Variants in SEM1 observed in about 807,000 individuals in gnomAD.
The protein encoded by SEM1 is 26S proteasome complex subunit SEM1.
A neutral mutation model predicts 12.7 loss-of-function variants in SEM1; 3 were observed. The observed-to-expected ratio is 0.24, with a 90% CI of 0.11 to 0.61. The LOEUF (loss-of-function observed/expected upper bound fraction) is 0.61. Among genes scored for constraint, SEM1 ranks in the 20% least tolerant of loss-of-function variants. The pLI, the probability that SEM1 is intolerant of heterozygous loss-of-function variation, is 0.88. For missense variants in SEM1, 59 were observed against 81.3 expected (o/e 0.73, Z 1.06); for synonymous variants, 30 against 27.8 (o/e 1.08, Z -0.25).
At chr7:96,654,043 T>A (rs1221415928) in intron 2 of SEM1, among the ~76,000 whole-genome samples, 3 of 152,020 alleles carry the variant, frequency 2.0e-5, no homozygotes, top group Non-Finnish European at 4.4e-5. Flanking sequence ...CAGAGAAGAG[T>A]ATGTTTAAAT....
chr7:96,511,552 A>C (rs1803935233), intron 2 of SEM1, among the ~76,000 whole-genome samples: 1 of 152,116 alleles, frequency 6.6e-6, no homozygotes, highest in African/African-American at 2.4e-5. Context: ...TGTATATAGC[A>C]CAAATTGGAA....
chr7:96,584,047 A>C (rs1417648549), intron 2 of SEM1, among the ~76,000 whole-genome samples: 4 of 151,490 alleles, frequency 2.6e-5, no homozygotes, highest in African/African-American at 7.3e-5. Flanking sequence ...TAGTTGATGC[A>C]GTTTCTTCCT....
intron 2 of SEM1, among the ~76,000 whole-genome samples, chr7:96,656,795 A>G (rs980369388): frequency 6.6e-6 from 1 of 151,696 alleles, no homozygotes; most frequent in Admixed American, 6.6e-5. Flanking sequence ...TACACTCTCC[A>G]ACTGTTGGGG....
downstream of SEM1, among the ~76,000 whole-genome samples, chr7:96,672,048 G>GTACC (rs1563106392): frequency 3.3e-5 from 5 of 152,194 alleles, no homozygotes; most frequent in Non-Finnish European, 5.9e-5. Context: ...TCCTCATTGG[G>GTACC]TGAAAGTCTG....
chr7:96,491,204 A>C (rs1251313735), intron 1 of SEM1, among the ~76,000 whole-genome samples: 1 of 152,172 alleles, frequency 6.6e-6, no homozygotes, highest in East Asian at 1.9e-4. Flanking sequence ...TGATAAAAAA[A>C]ATTCTTCTTA....
intron 2 of SEM1, among the ~76,000 whole-genome samples, chr7:96,591,733 A>G (rs1460649328): frequency 6.6e-6 from 1 of 151,562 alleles, no homozygotes; most frequent in East Asian, 1.9e-4. Flanking sequence ...ATAGAGGGCT[A>G]TTCCTTTTTC....
intron 2 of SEM1, among the ~76,000 whole-genome samples, chr7:96,615,271 C>CA (rs1807679871): frequency 2.7e-5 from 1 of 37,274 alleles, no homozygotes; most frequent in Non-Finnish European, 6.1e-5. Context: ...TTTTTGGAGA[C>CA]AGAGTCTCGC....
In SEM1 at chr7:96,674,128, C is replaced by T. The variant is rs559177538; in HGVS notation, c.171-269G>A. ...TCTCTATTACAGAGTCCTGTTCTTT[C>T]TTTAAAATTATTTTCCTCATTATTT... is the stretch of plus-strand genomic sequence containing the variant. On this transcript the variant is annotated intron_variant, in intron 2 of 2. Transcript: ENST00000413065. 1.2e-3 allele frequency among the ~76,000 whole-genome samples: 182 copies of T among 152,230 alleles called. 1 individual carries two copies. Among genetic ancestry groups the T allele is most frequent in the African/African-American group, 4.2e-3 (175 of 41,540 alleles).
chr7:96,626,009 G>T (rs1808050346), intron 2 of SEM1, among the ~76,000 whole-genome samples: 1 of 152,086 alleles, frequency 6.6e-6, no homozygotes, highest in Non-Finnish European at 1.5e-5. Flanking sequence ...TATCCTTTGT[G>T]TTGCAAACAA....
Position 96,584,283 on chromosome 7 carries a change from T to C in SEM1, c.171-77585A>G, listed in dbSNP as rs187484647. On this transcript the variant is annotated intron_variant and NMD_transcript_variant, in intron 2 of 3. Transcript: ENST00000466986. ...TTGAAAATTCTTTTCTTTAAGAATG[T>C]TGAATATTGGCCCCCACTCTCTTCT... Among the ~76,000 whole-genome samples, 11 of 152,326 alleles carry C rather than the reference T, an allele frequency of 7.2e-5. No homozygotes were observed. The East Asian group carries it at 1.9e-3, about 27-fold the overall frequency.
chr7:96,539,167 C>T lies in SEM1; in HGVS notation c.171-32469G>A, dbSNP rs548863473. 7.2e-5 allele frequency among the ~76,000 whole-genome samples: 11 copies of T among 151,896 alleles called. No individual in the cohort carries two copies. The East Asian group carries it at 1.9e-3, about 27-fold the overall frequency. On this transcript the variant is annotated intron_variant and NMD_transcript_variant, in intron 2 of 3. Coordinates refer to the SEM1 transcript ENST00000466986. ...GCCAGCAACTGTATGGATGAGCTTG[C>T]AAGTGGATCCTTCCCCAGTTGAACC... is the stretch of plus-strand genomic sequence containing the variant.
chr7:96,688,834 C>A lies in SEM1; in HGVS notation c.*90G>T. 1.4e-6 allele frequency: 1 copy of A among 733,172 alleles called. No individual in the cohort carries two copies. The highest frequency in any genetic ancestry group is 1.7e-5 in the South Asian group (1 of 59,386). The allele number at this position is 733,172 out of a possible 1,614,324, so 45.4% of individuals were successfully genotyped here. A position where few individuals can be genotyped will look rare whatever the true frequency, so the allele number is the denominator to read the frequency against. On this transcript the variant is annotated 3_prime_UTR_variant, in exon 3 of 3. Transcript: ENST00000248566. ...AAATCCAAGCAGATAATGAAATAAACACATTTTTTTAGTGTCCCATCCTGG... is the reference window on the plus strand; with the variant it reads ...AAATCCAAGCAGATAATGAAATAAAAACATTTTTTTAGTGTCCCATCCTGG...
chr7:96,551,590 A>G (rs1477514533), intron 2 of SEM1, among the ~76,000 whole-genome samples: 2 of 151,812 alleles, frequency 1.3e-5, no homozygotes, highest in Non-Finnish European at 2.9e-5. Flanking sequence ...CTGGAGTCCC[A>G]GCCATTCAGG....
Position 96,517,269 on chromosome 7 carries a change from G to A in SEM1, c.171-10571C>T, listed in dbSNP as rs559342561. Reference sequence around the variant, plus strand: ...TGTAGATTCATCAGTTGTAACAAATGTACCATTCTGGTGGGAGGATATTGA... The same window carrying A: ...TGTAGATTCATCAGTTGTAACAAATATACCATTCTGGTGGGAGGATATTGA... On this transcript the variant is annotated intron_variant and NMD_transcript_variant, in intron 2 of 3. Coordinates refer to the SEM1 transcript ENST00000466986. Among the ~76,000 whole-genome samples, 10 of 151,658 alleles carry A rather than the reference G, an allele frequency of 6.6e-5. No individual in the cohort carries two copies. In the South Asian group the frequency reaches 2.1e-3, roughly 32 times the overall value.
upstream of SEM1, among the ~76,000 whole-genome samples, chr7:96,499,016 G>C (rs1021970421): frequency 6.6e-6 from 1 of 152,102 alleles, no homozygotes; most frequent in Non-Finnish European, 1.5e-5. Flanking sequence ...AACTGATAAA[G>C]AATGAAGCAC....
intron 2 of SEM1, among the ~76,000 whole-genome samples, chr7:96,485,758 T>C (rs1304438662): frequency 6.6e-6 from 1 of 151,948 alleles, no homozygotes; most frequent in Non-Finnish European, 1.5e-5. Flanking sequence ...GCCAGGTTGG[T>C]CTTGAACTCC....
chr7:96,668,258 G>T (rs992920925), intron 2 of SEM1, among the ~76,000 whole-genome samples: 13 of 152,072 alleles, frequency 8.5e-5, no homozygotes, highest in Admixed American at 2.0e-4. Flanking sequence ...GTTTTGTACG[G>T]CTGTCACTTC....
intron 2 of SEM1, chr7:96,645,476 C>T (rs1808755462): frequency 3.3e-6 from 1 of 306,564 alleles, no homozygotes; most frequent in African/African-American, 2.1e-5. Flanking sequence ...ACTAAGTGCT[C>T]CTCAGGTAGA....
chr7:96,496,758 T>G (rs139434244), upstream of SEM1, among the ~76,000 whole-genome samples: 1,186 of 152,316 alleles, frequency 7.8e-3, 17 homozygotes, highest in African/African-American at 0.027. Context: ...TGTAGAGCTA[T>G]CTCACACTTT....
Sources: gnomAD v4.1 joint callset for allele counts (sites outside exome capture counted in the v4.1 genomes callset) on GRCh38, gnomAD v4.1.1 for gene constraint, MANE v1.5 for transcripts, NCBI Gene and HGNC (gene_info 2026-07-23, HGNC 2026-07-21) for gene names.